PRH1: variants seen among roughly 807,000 people sequenced by gnomAD.
PRH1 encodes the protein proline rich protein HaeIII subfamily 1.
In PRH1, 7 loss-of-function variants were observed where a neutral mutation model predicts 7.9. That is an observed-to-expected ratio of 0.89 (90% CI 0.50 to 1.67). The LOEUF is 1.67. PRH1 is among the 40% of genes most tolerant of loss of function. The pLI is 0.00. For synonymous variants in PRH1, 45 were observed against 80.8 expected (o/e 0.56, Z 2.38); for missense variants, 109 against 223.6 (o/e 0.49, Z 3.27).
intron 1 of PRH1, among the ~76,000 whole-genome samples, chr12:11,168,805 G>A (rs1240727787): frequency 1.3e-5 from 2 of 152,188 alleles, no homozygotes; most frequent in Non-Finnish European, 2.9e-5. Flanking sequence ...CCAATGGAAT[G>A]TTAATAAACC....
downstream of PRH1, among the ~76,000 whole-genome samples, chr12:11,119,317 A>T (rs76127782): frequency 1.2e-4 from 1 of 8,506 alleles, no homozygotes; most frequent in Admixed American, 2.4e-3. Context: ...AATGGCTACC[A>T]AAAAAAAAAA....
At chr12:11,004,008 A>T (rs1489284865) in intron 1 of PRH1, among the ~76,000 whole-genome samples, 2 of 152,062 alleles carry the variant, frequency 1.3e-5, no homozygotes, top group Non-Finnish European at 2.9e-5. Flanking sequence ...ATATACTTGT[A>T]TATGTATTCT....
At position 11,080,701 on chromosome 12, in the gene PRH1, T is replaced by C. The variant is rs1180373371; in HGVS notation, n.124-33513A>G. ...AGAATTACACACTTATTTTTCATTG[T>C]CATTAATTTTTATTGCTCCTTGCAT... On this transcript the variant is annotated intron_variant and non_coding_transcript_variant, in intron 1 of 4. Coordinates refer to the PRH1 transcript ENST00000541977. Among the ~76,000 whole-genome samples, 12 of 124,496 alleles carry C rather than the reference T, an allele frequency of 9.6e-5. 3 individuals carry two copies. The highest frequency in any genetic ancestry group is 3.0e-4 in the African/African-American group (11 of 36,580). 81.7% of individuals were successfully genotyped at this position (124,496 alleles called of 152,430 possible).
At chr12:11,098,068 C>T (rs1386491002) in intron 1 of PRH1, among the ~76,000 whole-genome samples, 2 of 73,938 alleles carry the variant, frequency 2.7e-5, no homozygotes, top group African/African-American at 6.4e-5. Flanking sequence ...TGAACACTAA[C>T]ATGGACAAAT....
intron 1 of PRH1, among the ~76,000 whole-genome samples, chr12:11,153,728 G>A (rs1947170975): frequency 6.6e-6 from 1 of 151,986 alleles, no homozygotes; most frequent in Admixed American, 6.6e-5. Flanking sequence ...GGCCCCAAAT[G>A]ACAAGATACA....
intron 2 of PRH1, among the ~76,000 whole-genome samples, chr12:10,930,108 C>T (rs897374816): frequency 6.6e-6 from 1 of 152,114 alleles, no homozygotes; most frequent in Non-Finnish European, 1.5e-5. Flanking sequence ...CCTGCTTTCC[C>T]TTACATCTTC....
At chr12:11,028,347 A>G (rs2136091646) in intron 1 of PRH1, among the ~76,000 whole-genome samples, 1 of 152,322 alleles carries the variant, frequency 6.6e-6, no homozygotes, top group Admixed American at 6.5e-5. Context: ...CCTTCTGGAA[A>G]AGTGCTGGAA....
At chr12:11,109,444 C>T (rs909936309) in intron 1 of PRH1, among the ~76,000 whole-genome samples, 1 of 152,128 alleles carries the variant, frequency 6.6e-6, no homozygotes, top group Non-Finnish European at 1.5e-5. Flanking sequence ...GGCGGGTAAC[C>T]CTCTGGGATG....
At chr12:11,144,403 C>T (rs1378510099) in intron 1 of PRH1, among the ~76,000 whole-genome samples, 2 of 152,130 alleles carry the variant, frequency 1.3e-5, no homozygotes, top group Non-Finnish European at 2.9e-5. Flanking sequence ...CACCCAGCAA[C>T]CATGCAAACT....
At chr12:10,925,944 CTAATA>C (rs1950116899) in intron 2 of PRH1, among the ~76,000 whole-genome samples, 1 of 152,082 alleles carries the variant, frequency 6.6e-6, no homozygotes, top group Non-Finnish European at 1.5e-5. Context: ...TCATATGTCC[CTAATA>C]TAATGGTTTT....
chr12:11,123,517 A>G (rs767427394), intron 1 of PRH1, among the ~76,000 whole-genome samples: 20 of 152,154 alleles, frequency 1.3e-4, no homozygotes, highest in Admixed American at 2.0e-4. Context: ...TGTTTTCTAC[A>G]GGCAACATTT....
chr12:10,973,964 A>G (rs1254973779), intron 1 of PRH1, among the ~76,000 whole-genome samples: 1 of 152,208 alleles, frequency 6.6e-6, no homozygotes, highest in South Asian at 2.1e-4. Context: ...GAAATAATTT[A>G]AAAAGAACAA....
At chr12:10,920,334 T>A (rs1950028875) in intron 2 of PRH1, among the ~76,000 whole-genome samples, 1 of 152,160 alleles carries the variant, frequency 6.6e-6, no homozygotes, top group South Asian at 2.1e-4. Context: ...TTTAAGATTC[T>A]GGTTAGAATT....
intron 2 of PRH1, among the ~76,000 whole-genome samples, chr12:10,949,931 C>T (rs1456306896): frequency 2.6e-5 from 4 of 151,770 alleles, no homozygotes; most frequent in Non-Finnish European, 5.9e-5. Flanking sequence ...TAATAAATTA[C>T]AATGTATTAA....
At chr12:10,993,440 A>G (rs1940042228) in intron 1 of PRH1, among the ~76,000 whole-genome samples, 1 of 152,194 alleles carries the variant, frequency 6.6e-6, no homozygotes, top group Non-Finnish European at 1.5e-5. Context: ...ATACCATAAC[A>G]TTGAACAGAA....
intron 1 of PRH1, among the ~76,000 whole-genome samples, chr12:11,140,078 T>C (rs930291437): frequency 1.3e-5 from 2 of 151,932 alleles, no homozygotes; most frequent in Admixed American, 6.6e-5. Flanking sequence ...ATTATACATA[T>C]TTATTTATAT....
intron 1 of PRH1, among the ~76,000 whole-genome samples, chr12:11,128,110 C>CA (rs71434172): frequency 0.15 from 15,569 of 100,456 alleles, 1,376 homozygotes; most frequent in South Asian, 0.18. Flanking sequence ...GACTCAGTCT[C>CA]AAAAAAAAAA....
intron 1 of PRH1, among the ~76,000 whole-genome samples, chr12:11,056,047 G>A (rs1943350530): frequency 6.6e-6 from 1 of 152,204 alleles, no homozygotes; most frequent in Admixed American, 6.5e-5. Flanking sequence ...TCATAGTTGG[G>A]AAATATTATT....
In PRH1 at chr12:10,899,002, C is replaced by T. The variant is rs138733699; in HGVS notation, c.-58-14727G>A. On this transcript the variant is annotated intron_variant, in intron 2 of 3. Transcript: ENST00000539853. ...ACAGTCAAAAGAGATTATTTTAGAA[C>T]GTTAATATTTAACGCCTGCCCTGCT... Among the ~76,000 whole-genome samples, 350 of 152,318 alleles carry T rather than the reference C, an allele frequency of 2.3e-3. 2 individuals carry two copies. Among genetic ancestry groups the T allele is most frequent in the African/African-American group, 8.1e-3 (336 of 41,566 alleles).
Sources: gnomAD v4.1 joint callset for allele counts (sites outside exome capture counted in the v4.1 genomes callset) on GRCh38, gnomAD v4.1.1 for gene constraint, MANE v1.5 for transcripts, NCBI Gene and HGNC (gene_info 2026-07-23, HGNC 2026-07-21) for gene names.